Variants in STK31 observed in about 807,000 individuals in gnomAD.
STK31 encodes serine/threonine kinase 31.
In STK31, 89 loss-of-function variants were observed where a neutral mutation model predicts 129.7. The ratio of observed to expected loss-of-function variants is 0.69; its 90% confidence interval spans 0.58 to 0.82. STK31 has a LOEUF of 0.82. Among genes scored for constraint, STK31 ranks in the 40% least tolerant of loss-of-function variants. STK31 has a pLI of 0.00. For missense variants in STK31, 1,187 were observed against 1,176.4 expected (o/e 1.01, Z -0.13); for synonymous variants, 448 against 395.3 (o/e 1.13, Z -1.58).
In STK31 at chr7:23,752,782, T is replaced by C. The variant is rs1424907373; in HGVS notation, c.1083T>C (p.Asp361=). The change falls in exon 9 of 24, where the codon GAT becomes GAC. Residue 361 remains aspartate (D), a synonymous_variant. Coordinates refer to ENST00000355870, the MANE Select transcript of STK31 (RefSeq NM_031414.5). ...HLEYTLKTYI[D]TRMKNLAAKM... is the part of the protein sequence containing the mutation. ...AATACACTCTGAAGACCTATATAGA[T>C]ACCAGAATGAAAAATCTGGCAGCTA... The C allele has an allele frequency of 1.2e-6, 2 of 1,613,500 alleles. No individual in the cohort carries two copies. Among genetic ancestry groups the C allele is most frequent in the Middle Eastern group, 1.6e-4 (1 of 6,078 alleles).
At chr7:23,743,534 A>G (rs549213164) in intron 8 of STK31, among the ~76,000 whole-genome samples, 4 of 152,302 alleles carry the variant, frequency 2.6e-5, no homozygotes, top group Admixed American at 2.6e-4. Context: ...ATAATTGATG[A>G]CACGCCTTTT....
intron 4 of STK31, among the ~76,000 whole-genome samples, chr7:23,717,787 A>G (rs569986096): frequency 7.9e-5 from 12 of 152,356 alleles, no homozygotes; most frequent in Non-Finnish European, 1.6e-4. Flanking sequence ...GTAAGCTACA[A>G]CATGGATGAA....
intron 9 of STK31, among the ~76,000 whole-genome samples, chr7:23,753,673 C>T (rs911157789): frequency 1.2e-4 from 18 of 152,182 alleles, no homozygotes; most frequent in African/African-American, 3.1e-4. Context: ...TTAGAATTTT[C>T]GCTTGCAAAC....
chr7:23,812,220 T>C (rs923812806), intron 22 of STK31, among the ~76,000 whole-genome samples: 2 of 152,116 alleles, frequency 1.3e-5, no homozygotes, highest in South Asian at 4.1e-4. Context: ...ACATAGAATT[T>C]GTGGTGGTTG....
At chr7:23,728,192 G>T (rs944971302) in intron 5 of STK31, among the ~76,000 whole-genome samples, 7 of 150,830 alleles carry the variant, frequency 4.6e-5, no homozygotes, top group African/African-American at 1.7e-4. Flanking sequence ...TGCAGGCTGG[G>T]TGAAAGCACC....
chr7:23,778,568 T>C (rs938366203), intron 15 of STK31, among the ~76,000 whole-genome samples: 11 of 152,064 alleles, frequency 7.2e-5, no homozygotes, highest in Non-Finnish European at 1.2e-4. Flanking sequence ...CTTCATGCTT[T>C]ATTTCATTAA....
intron 22 of STK31, among the ~76,000 whole-genome samples, chr7:23,804,288 T>C (rs906662372): frequency 1.4e-4 from 21 of 152,154 alleles, no homozygotes; most frequent in Non-Finnish European, 2.6e-4. Flanking sequence ...TGCTTTATTT[T>C]TCTGTTACCA....
intron 23 of STK31, among the ~76,000 whole-genome samples, chr7:23,829,199 C>G (rs936224382): frequency 1.2e-4 from 18 of 152,126 alleles, no homozygotes; most frequent in African/African-American, 4.3e-4. Context: ...GCGTGAGCCA[C>G]TGTGTCTCAC....
chr7:23,832,296 A>G lies in STK31; in HGVS notation c.2990A>G (p.Glu997Gly). Reference protein sequence around the residue: ...TEYTLYKKEEEIKTENLDKCM... With the variant: ...TEYTLYKKEEGIKTENLDKCM... ...TACACCCTATATAAAAAGGAAGAAG[A>G]AATAAAGACGGAGAACTTGGATAAA... The change falls in exon 24 of 24, where the codon GAA (glutamate) becomes GGA (glycine). Residue 997 changes from glutamate to glycine, a missense_variant. This residue lies in a region of STK31 where 975 missense variants were observed against 934.9 expected (regional missense o/e 1.04). Coordinates refer to ENST00000355870, the MANE Select transcript of STK31 (RefSeq NM_031414.5). 1 of 1,614,024 alleles carries G rather than the reference A, an allele frequency of 6.2e-7. No individual in the cohort carries two copies. The highest frequency in any genetic ancestry group is 2.2e-5 in the East Asian group (1 of 44,860).
chr7:23,789,815 C>G (rs938755981), intron 21 of STK31, among the ~76,000 whole-genome samples: 2 of 152,098 alleles, frequency 1.3e-5, no homozygotes, highest in Non-Finnish European at 2.9e-5. Flanking sequence ...CATTCGTCAT[C>G]TGTTATTATT....
rs752704407 is a variant in STK31 at position 23,735,833 on chromosome 7, G to A, written c.779G>A (p.Ser260Asn). The stretch of plus-strand genomic sequence containing the variant: ...TTCAGCAGGCCCAAGGGGCACTTAA[G>A]TGAGAAAATGACTCTTGACTTGAAG... ...STFSRPKGHL[S>N]EKMTLDLKDE... is the part of the protein sequence containing the mutation. The change falls in exon 7 of 24, where the codon AGT becomes AAT. Residue 260 changes from serine to asparagine, a missense_variant. Ser to Asn is a conservative substitution (Grantham distance 46, BLOSUM62 1). Transcript: ENST00000355870. 6.8e-6 allele frequency: 11 copies of A among 1,610,120 alleles called. No individual in the cohort carries two copies. In the East Asian group the frequency reaches 2.2e-4, roughly 33 times the overall value.
At chr7:23,710,087 G>A (rs772306512), upstream of STK31, 2 of 854,050 alleles carry the variant, frequency 2.3e-6, no homozygotes, top group Non-Finnish European at 3.6e-6. Flanking sequence ...AGTGCCTGGG[G>A]GTCGGCAGCA....
chr7:23,796,247 G>T (rs1197109378), intron 22 of STK31, among the ~76,000 whole-genome samples: 1 of 152,020 alleles, frequency 6.6e-6, no homozygotes, highest in African/African-American at 2.4e-5. Flanking sequence ...ATTTAAAGTT[G>T]TCTGGTTTCA....
At chr7:23,751,811 G>A (rs1288949041) in intron 8 of STK31, among the ~76,000 whole-genome samples, 3 of 152,082 alleles carry the variant, frequency 2.0e-5, no homozygotes, top group Non-Finnish European at 4.4e-5. Context: ...TTTATGAAAT[G>A]TCTCTCTTTA....
intron 23 of STK31, among the ~76,000 whole-genome samples, chr7:23,816,955 G>A (rs1298123974): frequency 6.6e-6 from 1 of 152,150 alleles, no homozygotes; most frequent in South Asian, 2.1e-4. Flanking sequence ...GGAGGCCGAG[G>A]TGGGCAGATC....
intron 4 of STK31, among the ~76,000 whole-genome samples, chr7:23,724,997 C>T (rs1031591097): frequency 6.6e-6 from 1 of 152,162 alleles, no homozygotes; most frequent in Non-Finnish European, 1.5e-5. Context: ...TATTCTTCAG[C>T]CATTTTTCTC....
intron 6 of STK31, among the ~76,000 whole-genome samples, chr7:23,730,285 G>T (rs1156339074): frequency 6.6e-6 from 1 of 152,172 alleles, no homozygotes; most frequent in Non-Finnish European, 1.5e-5. Flanking sequence ...GCATTATAAA[G>T]AAATTAATTA....
intron 7 of STK31, among the ~76,000 whole-genome samples, chr7:23,736,287 T>C (rs1417293096): frequency 6.6e-6 from 1 of 152,214 alleles, no homozygotes; most frequent in Non-Finnish European, 1.5e-5. Flanking sequence ...TGCCTTTACT[T>C]TTTTAATAAA....
intron 10 of STK31, chr7:23,755,028 C>G (rs191104012): frequency 1.9e-4 from 29 of 152,244 alleles, no homozygotes; most frequent in African/African-American, 6.5e-4. Flanking sequence ...AATGATATTG[C>G]TGGGTCAAAT....
Sources: gnomAD v4.1 joint callset for allele counts (sites outside exome capture counted in the v4.1 genomes callset) on GRCh38, gnomAD v4.1.1 for gene constraint, gnomAD v4.1.1 regional missense constraint, MANE v1.5 for transcripts, NCBI Gene and HGNC (gene_info 2026-07-23, HGNC 2026-07-21) for gene names.